CLEC19A: variants seen among roughly 807,000 people sequenced by gnomAD.
CLEC19A encodes C-type lectin domain family 19 member A.
A neutral mutation model predicts 26.1 loss-of-function variants in CLEC19A; 21 were observed. The ratio of observed to expected loss-of-function variants is 0.80; its 90% CI spans 0.57 to 1.16. CLEC19A has a LOEUF of 1.16. Ranked by LOEUF, CLEC19A falls within the 50% of genes most tolerant of loss-of-function variation. The pLI is 0.00. For synonymous variants in CLEC19A, 89 were observed against 88.6 expected, an observed-to-expected ratio of 1.00 and a Z score of -0.03; for missense variants, 224 against 227.6, an observed-to-expected ratio of 0.98 and a Z score of 0.10.
At position 19,309,141 on chromosome 16, in the gene CLEC19A, A is replaced by G. The variant is rs1597091358; in HGVS notation, c.*58A>G. On this transcript the variant is annotated 3_prime_UTR_variant, in exon 5 of 5. Transcript: ENST00000636231. ...CTAGTATCATCTTGTAGCTGTAACC[A>G]GTGTAGAATTGACATTGAATACATG... 1 of 1,290,526 alleles carries G rather than the reference A, an allele frequency of 7.7e-7. No homozygotes were observed. Among genetic ancestry groups the G allele is most frequent in the Admixed American group, 2.0e-5 (1 of 50,024 alleles). The allele number at this position is 1,290,526 out of a possible 1,614,324, so 79.9% of individuals were successfully genotyped here.
chr16:19,292,829 G>A (rs1162590578), intron 1 of CLEC19A, among the ~76,000 whole-genome samples: 1 of 152,186 alleles, frequency 6.6e-6, no homozygotes, highest in African/African-American at 2.4e-5. Context: ...CAAACCTGGA[G>A]CACAGAGTAA....
chr16:19,298,591 G>C (rs892299881), intron 1 of CLEC19A, 82 bp from the exon 2 acceptor site: 8 of 1,390,494 alleles, frequency 5.8e-6, no homozygotes, highest in Non-Finnish European at 9.7e-7. Flanking sequence ...AGATTGTAAA[G>C]AAAAGAAAAT....
At chr16:19,289,376 T>C (rs1383751655) in intron 1 of CLEC19A, among the ~76,000 whole-genome samples, 1 of 152,216 alleles carries the variant, frequency 6.6e-6, no homozygotes, top group African/African-American at 2.4e-5. Flanking sequence ...CCAGGAAACA[T>C]CGACTTATTT....
chr16:19,291,697 C>T (rs1163396711), intron 1 of CLEC19A, among the ~76,000 whole-genome samples: 7 of 152,200 alleles, frequency 4.6e-5, no homozygotes, highest in African/African-American at 1.7e-4. Context: ...GAAAGGCCTA[C>T]TATTCCCAAT....
intron 2 of CLEC19A, among the ~76,000 whole-genome samples, chr16:19,301,562 A>T (rs1165960214): frequency 6.6e-6 from 1 of 151,764 alleles, no homozygotes. Flanking sequence ...AATCACACTG[A>T]TCTTTATTTA....
intron 2 of CLEC19A, among the ~76,000 whole-genome samples, chr16:19,301,733 TTG>T (rs1491041324): frequency 2.5e-4 from 15 of 61,196 alleles, no homozygotes; most frequent in East Asian, 6.2e-4. Flanking sequence ...CCAGGTTTTT[TTG>T]GTTTTTTTTT....
chr16:19,293,839 A>G (rs1259213087), intron 1 of CLEC19A, among the ~76,000 whole-genome samples: 1 of 152,212 alleles, frequency 6.6e-6, no homozygotes, highest in Non-Finnish European at 1.5e-5. Flanking sequence ...ACAGTGTGTA[A>G]TAATCACATC....
At chr16:19,286,228 T>A (rs1380314227) in intron 1 of CLEC19A, among the ~76,000 whole-genome samples, 1 of 152,166 alleles carries the variant, frequency 6.6e-6, no homozygotes, top group African/African-American at 2.4e-5. Flanking sequence ...GCAATGGCAT[T>A]CTCTTTGGGC....
At chr16:19,306,749 G>T (rs1411707078) in intron 3 of CLEC19A, among the ~76,000 whole-genome samples, 1 of 144,834 alleles carries the variant, frequency 6.9e-6, no homozygotes, top group East Asian at 2.2e-4. Context: ...CCACCACACA[G>T]ATGTGGAAAC....
rs1373945861 is a variant in CLEC19A at position 19,285,851 on chromosome 16, G to C, written c.-1G>C. ...GGGAGGTTGCTTTCTAGGAGCTCAG[G>C]ATGCAAAGGTGGACACTGTGGGCTG... On this transcript the variant is annotated 5_prime_UTR_variant, in exon 1 of 5. Transcript: ENST00000636231. 1.9e-6 allele frequency: 3 copies of C among 1,550,360 alleles called. No individual in the cohort carries two copies. The highest frequency in any genetic ancestry group is 2.7e-5 in the African/African-American group (2 of 73,034).
intron 3 of CLEC19A, 52 bp downstream of exon 3, chr16:19,304,207 A>G: frequency 1.4e-6 from 2 of 1,460,128 alleles, no homozygotes; most frequent in East Asian, 4.9e-5. Context: ...CCAGGATTCT[A>G]TTTTGATTTA....
chr16:19,285,873 G>T lies in CLEC19A; in HGVS notation c.22G>T (p.Ala8Ser). 3 of 1,550,546 alleles carry T rather than the reference G, an allele frequency of 1.9e-6. No individual in the cohort carries two copies. Among genetic ancestry groups the T allele is most frequent in the Non-Finnish European group, 1.7e-6 (2 of 1,146,982 alleles). Residue 8 changes from alanine (A) to serine (S), a missense_variant, in exon 1 of 5, where the codon GCT becomes TCT. Ala to Ser is a moderately conservative substitution (Grantham distance 99, BLOSUM62 1). Transcript: ENST00000636231. MQRWTLW[A>S]AAFLTLHSAQ... is the part of the protein sequence containing the mutation. ...CAGGATGCAAAGGTGGACACTGTGGGCTGCAGCCTTCCTGACCCTCCACTC... is the reference window on the plus strand; with the variant it reads ...CAGGATGCAAAGGTGGACACTGTGGTCTGCAGCCTTCCTGACCCTCCACTC...
intron 1 of CLEC19A, among the ~76,000 whole-genome samples, chr16:19,295,736 T>A (rs1342141702): frequency 6.6e-6 from 1 of 152,160 alleles, no homozygotes; most frequent in Non-Finnish European, 1.5e-5. Context: ...AAGGTAGAAA[T>A]GATTTGCTGG....
chr16:19,302,444 C>G (rs1897854212), intron 2 of CLEC19A, among the ~76,000 whole-genome samples: 1 of 152,048 alleles, frequency 6.6e-6, no homozygotes. Flanking sequence ...TCAACATAGC[C>G]CTGTTTTGAA....
intron 2 of CLEC19A, among the ~76,000 whole-genome samples, chr16:19,299,235 C>T (rs1897767745): frequency 6.6e-6 from 1 of 152,214 alleles, no homozygotes; most frequent in African/African-American, 2.4e-5. Context: ...ACAACTGATA[C>T]ACTACATATA....
intron 1 of CLEC19A, among the ~76,000 whole-genome samples, chr16:19,295,131 T>C (rs1897678982): frequency 6.6e-6 from 1 of 152,106 alleles, no homozygotes; most frequent in Admixed American, 6.5e-5. Flanking sequence ...CCCTCACTGC[T>C]TGAGAGTGAT....
Position 19,309,230 on chromosome 16 carries a change from C to A in CLEC19A, c.*147C>A. ...TTTAAACAAGCAGATCTTAATTATACAGGGTGGTCACTTGGCCAAGTGTCA... is the reference window on the plus strand; with the variant it reads ...TTTAAACAAGCAGATCTTAATTATAAAGGGTGGTCACTTGGCCAAGTGTCA... On this transcript the variant is annotated 3_prime_UTR_variant, in exon 5 of 5. Coordinates refer to ENST00000636231, the MANE Select transcript of CLEC19A (RefSeq NM_001256720.2). 1 of 582,914 alleles carries A rather than the reference C, an allele frequency of 1.7e-6. No homozygotes were observed. Among genetic ancestry groups the A allele is most frequent in the Non-Finnish European group, 2.9e-6 (1 of 345,946 alleles). 36.1% of individuals were successfully genotyped at this position (582,914 alleles called of 1,614,324 possible). A position where few individuals can be genotyped will look rare whatever the true frequency, so the allele number is the denominator to read the frequency against.
chr16:19,290,753 G>C (rs1249583269), intron 1 of CLEC19A, among the ~76,000 whole-genome samples: 2 of 152,220 alleles, frequency 1.3e-5, no homozygotes, highest in African/African-American at 4.8e-5. Flanking sequence ...AATCGAGGGG[G>C]CTGCTCCCTG....
chr16:19,296,535 CTG>C (rs1238688964), intron 1 of CLEC19A, among the ~76,000 whole-genome samples: 3 of 152,188 alleles, frequency 2.0e-5, no homozygotes, highest in African/African-American at 7.2e-5. Flanking sequence ...GCTATAAAGA[CTG>C]TGAACTATTC....
Sources: allele counts gnomAD v4.1 joint callset (sites outside exome capture counted in the v4.1 genomes callset), GRCh38; gene constraint gnomAD v4.1.1; transcripts MANE v1.5; gene names NCBI Gene and HGNC (gene_info 2026-07-23, HGNC 2026-07-21).